Variants in PHLPP1 observed in about 807,000 individuals in gnomAD.
The protein encoded by PHLPP1 is PH domain and leucine rich repeat protein phosphatase 1, also known as PH domain leucine-rich repeat-containing protein phosphatase 1.
Under a neutral mutation model 117.2 loss-of-function variants are expected in PHLPP1, and 42 were observed. That is an observed-to-expected ratio of 0.36 (90% CI 0.28 to 0.46). The LOEUF is 0.46. Ranked by LOEUF, PHLPP1 falls within the 20% of genes least tolerant of loss-of-function variation. PHLPP1 has a pLI of 1.00. For synonymous variants in PHLPP1, 1,042 were observed against 970.7 expected, an observed-to-expected ratio of 1.07 and a Z score of -1.37; for missense variants, 2,084 against 2,241.9, an observed-to-expected ratio of 0.93 and a Z score of 1.42.
At chr18:62,827,448 G>C (rs562550834) in intron 1 of PHLPP1, among the ~76,000 whole-genome samples, 1 of 152,300 alleles carries the variant, frequency 6.6e-6, no homozygotes, top group African/African-American at 2.4e-5. Context: ...TTATGTTGTA[G>C]AACAAGGAAG....
At chr18:62,789,593 A>G (rs1913398005) in intron 1 of PHLPP1, among the ~76,000 whole-genome samples, 1 of 152,108 alleles carries the variant, frequency 6.6e-6, no homozygotes, top group Non-Finnish European at 1.5e-5. Flanking sequence ...ATTCTTCATC[A>G]GTGTCTTCTC....
At chr18:62,768,105 T>G (rs928075368) in intron 1 of PHLPP1, among the ~76,000 whole-genome samples, 1 of 152,228 alleles carries the variant, frequency 6.6e-6, no homozygotes, top group Non-Finnish European at 1.5e-5. Flanking sequence ...TTTGTTTTCA[T>G]TGACACTGAA....
chr18:62,728,098 C>T (rs1024912907), intron 1 of PHLPP1, among the ~76,000 whole-genome samples: 1 of 151,950 alleles, frequency 6.6e-6, no homozygotes, highest in African/African-American at 2.4e-5. Flanking sequence ...AGCTTGAGAC[C>T]AGCCTGGCCA....
chr18:62,940,003 T>A (rs898773792), intron 10 of PHLPP1, among the ~76,000 whole-genome samples: 2 of 152,038 alleles, frequency 1.3e-5, no homozygotes, highest in African/African-American at 4.8e-5. Context: ...ATCAACAGGG[T>A]TGATCTGGGG....
In PHLPP1 at chr18:62,715,881, C is replaced by T; in HGVS notation, c.198C>T (p.Ser66=). 1 of 845,622 alleles carries T rather than the reference C, an allele frequency of 1.2e-6. No homozygotes were observed. Among genetic ancestry groups the T allele is most frequent in the Non-Finnish European group, 1.4e-6 (1 of 702,206 alleles). The allele number at this position is 845,622 out of a possible 1,614,324, so 52.4% of individuals were successfully genotyped here. Residue 66 remains serine, a synonymous_variant, in exon 1 of 17, where the codon AGC becomes AGT. Coordinates refer to ENST00000262719, the MANE Select transcript of PHLPP1 (RefSeq NM_194449.4). ...CGGCCCCGAGCGGCGGGAACGGCAG[C>T]GGCAGCGGGGCGCGGGAAGAGGCCC... ...TPAAPSGGNG[S]GSGAREEAPG... is the part of the protein sequence containing the mutation.
chr18:62,766,102 T>TATATATATATATATATATATA (rs1491446982), intron 1 of PHLPP1, among the ~76,000 whole-genome samples: 3 of 60,686 alleles, frequency 4.9e-5, no homozygotes, highest in Non-Finnish European at 7.0e-5. Context: ...TATATATATA[T>TATATATATATATATATATATA]AAAATATATA....
intron 1 of PHLPP1, among the ~76,000 whole-genome samples, chr18:62,786,533 G>T (rs970581721): frequency 1.3e-5 from 2 of 152,110 alleles, no homozygotes; most frequent in Non-Finnish European, 2.9e-5. Context: ...CAAAGTTACT[G>T]TTCCCATTGT....
At chr18:62,935,132 C>T (rs558283815) in intron 10 of PHLPP1, among the ~76,000 whole-genome samples, 1 of 152,248 alleles carries the variant, frequency 6.6e-6, no homozygotes, top group African/African-American at 2.4e-5. Flanking sequence ...TTGGAAAACC[C>T]TAGAGAATCA....
intron 14 of PHLPP1, among the ~76,000 whole-genome samples, chr18:62,968,983 T>A (rs557269091): frequency 6.6e-6 from 1 of 152,212 alleles, no homozygotes; most frequent in Admixed American, 6.5e-5. Context: ...AGATTTTTTG[T>A]TTTACTGATA....
chr18:62,950,035 G>T (rs542922), intron 12 of PHLPP1, among the ~76,000 whole-genome samples: 83,118 of 151,998 alleles, frequency 0.55, 23,450 homozygotes, highest in African/African-American at 0.68. Flanking sequence ...GTTCTAACCC[G>T]TTTTTGAAGT....
At chr18:62,896,055 A>G (rs1326689325) in intron 6 of PHLPP1, 44 bp downstream of exon 6, 8 of 1,218,960 alleles carry the variant, frequency 6.6e-6, no homozygotes, top group Non-Finnish European at 9.6e-6. Flanking sequence ...TGGCTGGCTT[A>G]TATTGCAGGG....
At chr18:62,824,463 G>A (rs1240502517) in intron 1 of PHLPP1, among the ~76,000 whole-genome samples, 1 of 152,180 alleles carries the variant, frequency 6.6e-6, no homozygotes, top group East Asian at 1.9e-4. Flanking sequence ...GCAGTTGCCT[G>A]AGCGCGGGAG....
intron 3 of PHLPP1, among the ~76,000 whole-genome samples, chr18:62,859,041 A>G (rs1039563266): frequency 6.6e-6 from 1 of 152,164 alleles, no homozygotes; most frequent in Admixed American, 6.5e-5. Flanking sequence ...AGAACCATAC[A>G]CCTAAGGACT....
chr18:62,916,868 C>T (rs1444780552), intron 9 of PHLPP1, among the ~76,000 whole-genome samples: 1 of 149,306 alleles, frequency 6.7e-6, no homozygotes, highest in Non-Finnish European at 1.5e-5. Context: ...ATTCTCGTGC[C>T]TCAGCCTCCC....
At chr18:62,727,978 C>T (rs560131447) in intron 1 of PHLPP1, among the ~76,000 whole-genome samples, 1 of 151,972 alleles carries the variant, frequency 6.6e-6, no homozygotes, top group African/African-American at 2.4e-5. Flanking sequence ...TATTTTTCAC[C>T]CTTTACGTAT....
At position 62,716,768 on chromosome 18, in the gene PHLPP1, G is replaced by T. The variant is rs1410650819; in HGVS notation, c.1085G>T (p.Arg362Leu). The T allele has an allele frequency of 5.9e-6, 9 of 1,525,280 alleles. No individual in the cohort carries two copies. The highest frequency in any genetic ancestry group is 7.0e-6 in the Non-Finnish European group (8 of 1,141,700). 94.5% of individuals were successfully genotyped at this position (1,525,280 alleles called of 1,614,324 possible). Residue 362 changes from arginine to leucine, a missense_variant, in exon 1 of 17, where the codon CGG becomes CTG. This residue lies in a region of PHLPP1 where 719 missense variants were observed against 636.0 expected (regional missense o/e 1.13). Coordinates refer to ENST00000262719, the MANE Select transcript of PHLPP1 (RefSeq NM_194449.4). This position sits in a 1 kb window ranked among gnomAD's most constrained non-coding sequence, Gnocchi z 5.7. ...CCCAGCGCCGAGAGCGTGTCTGACC[G>T]GTTGGACCCCTACAGCAGCGGCGGC... Reference protein sequence around the residue: ...LSPSAESVSDRLDPYSSGGGS... With the variant: ...LSPSAESVSDLLDPYSSGGGS...
intron 3 of PHLPP1, among the ~76,000 whole-genome samples, chr18:62,846,233 G>C (rs1170521546): frequency 7.8e-6 from 1 of 128,996 alleles, no homozygotes; most frequent in African/African-American, 2.8e-5. Flanking sequence ...AAAAAAAAAA[G>C]ATGATAATAA....
At chr18:62,881,475 G>A (rs1173223654) in intron 4 of PHLPP1, among the ~76,000 whole-genome samples, 1 of 152,006 alleles carries the variant, frequency 6.6e-6, no homozygotes, top group African/African-American at 2.4e-5. Flanking sequence ...TTTCATGACT[G>A]TAAATTTTAA....
At chr18:62,874,657 GCACACACACACACACA>G (rs71340125) in intron 4 of PHLPP1, among the ~76,000 whole-genome samples, 8 of 147,624 alleles carry the variant, frequency 5.4e-5, no homozygotes, top group African/African-American at 2.0e-4. Flanking sequence ...ACGCACGCGC[GCACACACACACACACA>G]CACACACACA....
Sources: gnomAD v4.1 joint callset for allele counts (sites outside exome capture counted in the v4.1 genomes callset) on GRCh38, gnomAD v4.1.1 for gene constraint, gnomAD v4.1.1 regional missense constraint, Gnocchi (gnomAD v3.1) non-coding constraint, MANE v1.5 for transcripts, NCBI Gene and HGNC (gene_info 2026-07-23, HGNC 2026-07-21) for gene names.